The following ZC2HC1B variants were observed in gnomAD, a reference collection of about 807,000 sequenced individuals.
ZC2HC1B encodes zinc finger C2HC-type containing 1B.
A neutral mutation model predicts 31.0 loss-of-function variants in ZC2HC1B; 36 were observed. The ratio of observed to expected loss-of-function variants is 1.16; its 90% CI spans 0.89 to 1.54. The LOEUF (loss-of-function observed/expected upper bound fraction) is 1.54. Ranked by LOEUF, ZC2HC1B falls within the 40% of genes most tolerant of loss-of-function variation. ZC2HC1B has a pLI of 0.00. For synonymous variants in ZC2HC1B, 73 were observed against 88.0 expected, an observed-to-expected ratio of 0.83 and a Z score of 0.95; for missense variants, 260 against 268.6, an observed-to-expected ratio of 0.97 and a Z score of 0.22.
chr6:143,901,134 C>T (rs571242665), intron 5 of ZC2HC1B, among the ~76,000 whole-genome samples: 167 of 151,728 alleles, frequency 1.1e-3, no homozygotes, highest in Non-Finnish European at 1.1e-3. Context: ...CCACCACACG[C>T]GGCCTAGATT....
At chr6:143,873,694 A>G (rs1190045851) in intron 1 of ZC2HC1B, among the ~76,000 whole-genome samples, 1 of 152,238 alleles carries the variant, frequency 6.6e-6, no homozygotes. Context: ...CTCTGAAGGC[A>G]TAGCCCGAGC....
intron 6 of ZC2HC1B, among the ~76,000 whole-genome samples, chr6:143,919,958 T>C (rs1327829549): frequency 6.6e-6 from 1 of 152,134 alleles, no homozygotes; most frequent in East Asian, 1.9e-4. Context: ...TTTTCCTCAT[T>C]TGGGAAAAAC....
rs981183128 is a variant in ZC2HC1B at position 143,885,810 on chromosome 6, C to G, written c.91-222C>G. The stretch of plus-strand genomic sequence containing the variant: ...CCCAAATTTGAAGTAAGTCTTTTAG[C>G]TATAAAGGCATTTTATTGTCTTTGC... On this transcript the variant is annotated intron_variant, in intron 2 of 7. Transcript: ENST00000237275. The surrounding 1 kb of genome is among the most constrained non-coding windows in gnomAD (Gnocchi z 4.2). 3.9e-5 allele frequency among the ~76,000 whole-genome samples: 6 copies of G among 152,148 alleles called. No individual in the cohort carries two copies. Among genetic ancestry groups the G allele is most frequent in the Non-Finnish European group, 8.8e-5 (6 of 68,020 alleles).
rs1778016835 is a variant in ZC2HC1B at position 143,924,904 on chromosome 6, C to T, written c.599-12745C>T. ...TCACTTTGCTAGTATTTTGTTGAAGCTTTTTTGTGTCTGTGTTCATCAGGG... is the reference window on the plus strand; with the variant it reads ...TCACTTTGCTAGTATTTTGTTGAAGTTTTTTTGTGTCTGTGTTCATCAGGG... On this transcript the variant is annotated intron_variant, in intron 6 of 7. Coordinates refer to ENST00000237275, the MANE Select transcript of ZC2HC1B (RefSeq NM_001013623.3). The surrounding 1 kb of genome is among the most constrained non-coding windows in gnomAD (Gnocchi z 5.2). Among the ~76,000 whole-genome samples the T allele has an allele frequency of 6.6e-6, 1 of 151,966 alleles. No homozygotes were observed. The highest frequency in any genetic ancestry group is 1.5e-5 in the Non-Finnish European group (1 of 67,962).
intron 4 of ZC2HC1B, among the ~76,000 whole-genome samples, chr6:143,888,926 A>G (rs1164509689): frequency 2.0e-5 from 3 of 151,964 alleles, no homozygotes; most frequent in Non-Finnish European, 2.9e-5. Flanking sequence ...TTTTCGTACT[A>G]TATCGAATAG....
At chr6:143,907,478 T>G (rs997159683) in intron 6 of ZC2HC1B, among the ~76,000 whole-genome samples, 1 of 152,212 alleles carries the variant, frequency 6.6e-6, no homozygotes, top group African/African-American at 2.4e-5. Context: ...CTATTCTGAT[T>G]GGTGTAAGAT....
Position 143,905,739 on chromosome 6 carries a change from AGTTTGTTGAGTGTTTTTATCAT to A in ZC2HC1B, c.598+2589_598+2610del, listed in dbSNP as rs1331667021. On this transcript the variant is annotated intron_variant, in intron 6 of 7. Transcript: ENST00000237275. The surrounding 1 kb of genome is among the most constrained non-coding windows in gnomAD (Gnocchi z 4.2). ...GTTGAGGTAGTTTCCTTCTATTCTT[AGTTTGTTGAGTGTTTTTATCAT>A]GAAAGGGTGTTGAATTTTCTCAAAT... 6.6e-6 allele frequency among the ~76,000 whole-genome samples: 1 copy of A among 151,800 alleles called. No individual in the cohort carries two copies. The highest frequency in any genetic ancestry group is 1.5e-5 in the Non-Finnish European group (1 of 67,914).
Position 143,914,773 on chromosome 6 carries a change from C to T in ZC2HC1B, c.598+11621C>T, listed in dbSNP as rs141200037. ...CTTTGTGTCTTGTAATCTTTTTTGA[C>T]TTAAAGTTTATTTTGTCTAATATTA... is the stretch of plus-strand genomic sequence containing the variant. On this transcript the variant is annotated intron_variant, in intron 6 of 7. Coordinates refer to ENST00000237275, the MANE Select transcript of ZC2HC1B (RefSeq NM_001013623.3). Among the ~76,000 whole-genome samples the T allele has an allele frequency of 8.6e-3, 1,310 of 152,012 alleles. 22 individuals are homozygous for T. Among genetic ancestry groups the T allele is most frequent in the African/African-American group, 0.027 (1,122 of 41,448 alleles).
chr6:143,927,090 G>T (rs1338841874), intron 6 of ZC2HC1B, among the ~76,000 whole-genome samples: 1 of 151,948 alleles, frequency 6.6e-6, no homozygotes. Flanking sequence ...GAGCCACCGC[G>T]CCCGGCCCGA....
chr6:143,931,142 T>C (rs1293785558), intron 6 of ZC2HC1B, among the ~76,000 whole-genome samples: 3 of 152,222 alleles, frequency 2.0e-5, no homozygotes, highest in African/African-American at 7.2e-5. Flanking sequence ...GCTTTTGGTT[T>C]CCATTTGCAT....
chr6:143,888,897 T>G (rs980517011), intron 4 of ZC2HC1B, among the ~76,000 whole-genome samples: 2 of 152,018 alleles, frequency 1.3e-5, no homozygotes, highest in African/African-American at 4.8e-5. Flanking sequence ...TTTTCGAACC[T>G]AAATCCTCTG....
chr6:143,879,823 G>GTTTTTTTT (rs1491086540), intron 1 of ZC2HC1B, among the ~76,000 whole-genome samples: 2 of 101,244 alleles, frequency 2.0e-5, no homozygotes, highest in African/African-American at 3.7e-5. Flanking sequence ...AGTTGTCCCT[G>GTTTTTTTT]ATTTTTTTTT....
At position 143,908,094 on chromosome 6, in the gene ZC2HC1B, G is replaced by A. The variant is rs2128495727; in HGVS notation, c.598+4942G>A. ...TTGAAGATCAGATGGTTTTAGGTGT[G>A]CAATCTTATTTCTGGGTTCTCTATT... On this transcript the variant is annotated intron_variant, in intron 6 of 7. Coordinates refer to ENST00000237275, the MANE Select transcript of ZC2HC1B (RefSeq NM_001013623.3). The surrounding 1 kb of genome is among the most constrained non-coding windows in gnomAD (Gnocchi z 4.4). 6.6e-6 allele frequency among the ~76,000 whole-genome samples: 1 copy of A among 152,236 alleles called. No homozygotes were observed. Among genetic ancestry groups the A allele is most frequent in the Middle Eastern group, 3.4e-3 (1 of 294 alleles).
intron 5 of ZC2HC1B, 67 bp downstream of exon 5, chr6:143,898,758 C>T (rs1777702054): frequency 2.6e-6 from 4 of 1,522,452 alleles, no homozygotes; most frequent in Non-Finnish European, 3.6e-6. Flanking sequence ...CGGTAGAACT[C>T]CCTAGAGAAC....
At chr6:143,898,446 C>A in intron 4 of ZC2HC1B, 106 bp from the exon 5 acceptor site, 1 of 1,352,416 alleles carries the variant, frequency 7.4e-7, no homozygotes, top group Non-Finnish European at 1.0e-6. Context: ...CTGGCATGAG[C>A]CATCATATCC....
chr6:143,898,075 T>C (rs1777689643), intron 4 of ZC2HC1B, among the ~76,000 whole-genome samples: 1 of 152,244 alleles, frequency 6.6e-6, no homozygotes, highest in Non-Finnish European at 1.5e-5. Context: ...CCATGCCATG[T>C]CCTTTAGTTG....
intron 1 of ZC2HC1B, among the ~76,000 whole-genome samples, chr6:143,879,203 C>T (rs1157462837): frequency 6.6e-6 from 1 of 152,094 alleles, no homozygotes; most frequent in Middle Eastern, 3.2e-3. Flanking sequence ...CTCAGTTCTC[C>T]CTTACTGTTA....
intron 1 of ZC2HC1B, among the ~76,000 whole-genome samples, chr6:143,880,849 T>C (rs1028064101): frequency 6.6e-6 from 1 of 152,212 alleles, no homozygotes; most frequent in Admixed American, 6.5e-5. Context: ...TTTTACAAAA[T>C]GTTACAAAAT....
rs562824746 is a variant in ZC2HC1B at position 143,921,619 on chromosome 6, A to C, written c.599-16030A>C. ...TTTTAAATTTAATTTCTTACTCTCTACTTGCTTAAGTAAAAAAATATAATT... is the reference window on the plus strand; with the variant it reads ...TTTTAAATTTAATTTCTTACTCTCTCCTTGCTTAAGTAAAAAAATATAATT... On this transcript the variant is annotated intron_variant, in intron 6 of 7. Coordinates refer to ENST00000237275, the MANE Select transcript of ZC2HC1B (RefSeq NM_001013623.3). This position sits in a 1 kb window ranked among gnomAD's most constrained non-coding sequence, Gnocchi z 6.1. Among the ~76,000 whole-genome samples, 1 of 152,340 alleles carries C rather than the reference A, an allele frequency of 6.6e-6. No homozygotes were observed. The highest frequency in any genetic ancestry group is 2.4e-5 in the African/African-American group (1 of 41,582).
Sources: allele counts gnomAD v4.1 joint callset (sites outside exome capture counted in the v4.1 genomes callset), GRCh38; gene constraint gnomAD v4.1.1; non-coding constraint Gnocchi (gnomAD v3.1); transcripts MANE v1.5; gene names NCBI Gene and HGNC (gene_info 2026-07-23, HGNC 2026-07-21).